The following NRG3 variants were observed in gnomAD, a reference collection of about 807,000 sequenced individuals.
NRG3 encodes pro-neuregulin-3, membrane-bound isoform.
Under a neutral mutation model 66.9 loss-of-function variants are expected in NRG3, and 31 were observed. The observed-to-expected ratio is 0.46, with a 90% confidence interval of 0.35 to 0.63. The LOEUF is 0.63. Among genes scored for constraint, NRG3 ranks in the 20% least tolerant of loss-of-function variants. The pLI, the probability that NRG3 is intolerant of heterozygous loss-of-function variation, is 0.00. For synonymous variants in NRG3, 393 were observed against 359.4 expected (o/e 1.09, Z -1.06); for missense variants, 910 against 878.9 (o/e 1.04, Z -0.45).
At chr10:82,557,984 G>C (rs987038068) in intron 2 of NRG3, among the ~76,000 whole-genome samples, 1 of 152,154 alleles carries the variant, frequency 6.6e-6, no homozygotes, top group African/African-American at 2.4e-5. Flanking sequence ...ATGAAAGAGA[G>C]GTTTGGAACA....
chr10:82,548,435 T>G (rs1217390181), intron 2 of NRG3, among the ~76,000 whole-genome samples: 3 of 150,734 alleles, frequency 2.0e-5, no homozygotes, highest in Non-Finnish European at 2.9e-5. Flanking sequence ...CATTGATACT[T>G]ATTGTCTGAA....
chr10:82,231,490 CCT>C (rs34679230), intron 1 of NRG3, among the ~76,000 whole-genome samples: 15,650 of 149,546 alleles, frequency 0.1, 796 homozygotes, highest in African/African-American at 0.12. Context: ...AAAAAAAAAA[CCT>C]AGTATTATCA....
intron 2 of NRG3, among the ~76,000 whole-genome samples, chr10:82,433,762 T>TA (rs2089965877): frequency 6.6e-6 from 1 of 152,178 alleles, no homozygotes; most frequent in Non-Finnish European, 1.5e-5. Context: ...TGGTTGTAGA[T>TA]GTGTGATGTT....
chr10:82,165,696 CT>C (rs1292123660), intron 1 of NRG3, among the ~76,000 whole-genome samples: 4 of 151,074 alleles, frequency 2.6e-5, no homozygotes, highest in African/African-American at 4.9e-5. Context: ...TTGTGAGTTT[CT>C]TTTTTTTGAG....
At chr10:81,964,911 G>A (rs1419229702) in intron 1 of NRG3, among the ~76,000 whole-genome samples, 1 of 151,994 alleles carries the variant, frequency 6.6e-6, no homozygotes, top group East Asian at 1.9e-4. Context: ...TTTTATTATG[G>A]ATACCATAGA....
At chr10:82,350,379 C>G (rs1355644447) in intron 1 of NRG3, among the ~76,000 whole-genome samples, 1 of 152,136 alleles carries the variant, frequency 6.6e-6, no homozygotes. Flanking sequence ...TATGGTGATA[C>G]AGAGACTGAC....
At chr10:82,281,255 A>T (rs545494314) in intron 1 of NRG3, among the ~76,000 whole-genome samples, 36 of 152,288 alleles carry the variant, frequency 2.4e-4, no homozygotes, top group Non-Finnish European at 5.0e-4. Flanking sequence ...TCTGATGTCC[A>T]GTCATGGGTC....
chr10:82,696,338 A>G (rs759157132), intron 2 of NRG3, among the ~76,000 whole-genome samples: 4 of 152,144 alleles, frequency 2.6e-5, no homozygotes, highest in Non-Finnish European at 4.4e-5. Context: ...ATGTATGTGT[A>G]TATACTTATA....
At chr10:82,584,287 T>C (rs1157168657) in intron 2 of NRG3, among the ~76,000 whole-genome samples, 1 of 152,060 alleles carries the variant, frequency 6.6e-6, no homozygotes, top group Non-Finnish European at 1.5e-5. Flanking sequence ...GGTTTCATCT[T>C]GTTGGCCATG....
At chr10:82,066,406 A>G (rs1340694290) in intron 1 of NRG3, among the ~76,000 whole-genome samples, 2 of 152,202 alleles carry the variant, frequency 1.3e-5, no homozygotes, top group African/African-American at 4.8e-5. Context: ...ATTTGTAGAC[A>G]TGCCTATGGG....
chr10:82,016,856 G>A (rs1256037024), intron 1 of NRG3, among the ~76,000 whole-genome samples: 2 of 152,106 alleles, frequency 1.3e-5, no homozygotes. Flanking sequence ...GACATCCTTA[G>A]AATCAAGCAG....
In NRG3 at chr10:82,985,141, A is replaced by C; in HGVS notation, c.1627A>C (p.Asn543His). 1 of 1,613,954 alleles carries C rather than the reference A, an allele frequency of 6.2e-7. No homozygotes were observed. The part of the protein sequence containing the change: ...GLKTQRNTSI[N>H]MQLPSRETNP... The stretch of plus-strand genomic sequence containing the variant: ...AAAAACCCAACGAAATACATCAATA[A>C]ATATGCAACTGCCTTCAAGAGAGAC... Residue 543 changes from asparagine to histidine, a missense_variant, in exon 9 of 9, where the codon AAT becomes CAT. By Grantham distance (68) the Asn-to-His change is moderately conservative. Transcript: ENST00000372141.
intron 4 of NRG3, among the ~76,000 whole-genome samples, chr10:82,879,119 TC>T (rs1444269318): frequency 6.6e-6 from 1 of 152,238 alleles, no homozygotes. Flanking sequence ...TTTATTAAAA[TC>T]TAACTAATTT....
intron 1 of NRG3, among the ~76,000 whole-genome samples, chr10:82,273,931 T>C (rs921788554): frequency 6.6e-6 from 1 of 152,094 alleles, no homozygotes; most frequent in African/African-American, 2.4e-5. Context: ...TCTTTGCTCA[T>C]TCCTCCCAAG....
chr10:82,088,287 C>A (rs2065839743), intron 1 of NRG3, among the ~76,000 whole-genome samples: 1 of 151,938 alleles, frequency 6.6e-6, no homozygotes, highest in Non-Finnish European at 1.5e-5. Flanking sequence ...ACTGTGATTT[C>A]TCTCACTTTT....
chr10:82,755,394 A>T (rs2059036623), intron 3 of NRG3, among the ~76,000 whole-genome samples: 1 of 152,096 alleles, frequency 6.6e-6, no homozygotes, highest in Non-Finnish European at 1.5e-5. Context: ...CATTTGTTGG[A>T]CACCTAATAC....
At chr10:82,761,930 TTCTTTCTTTC>T (rs2059328574) in intron 3 of NRG3, among the ~76,000 whole-genome samples, 1 of 108,984 alleles carries the variant, frequency 9.2e-6, no homozygotes, top group African/African-American at 3.5e-5. Context: ...TTCTCTTTCT[TTCTTTCTTTC>T]TTTCTTTCTT....
chr10:82,413,907 T>C (rs2088319471), intron 2 of NRG3, among the ~76,000 whole-genome samples: 1 of 152,216 alleles, frequency 6.6e-6, no homozygotes, highest in Non-Finnish European at 1.5e-5. Context: ...GGCTTTCTTG[T>C]GGATAAAGCT....
At chr10:81,946,065 G>A (rs1402428273) in intron 1 of NRG3, among the ~76,000 whole-genome samples, 1 of 152,108 alleles carries the variant, frequency 6.6e-6, no homozygotes, top group Non-Finnish European at 1.5e-5. Flanking sequence ...CGTCCAGGCT[G>A]GAGTGCAATG....
Sources: allele counts gnomAD v4.1 joint callset (sites outside exome capture counted in the v4.1 genomes callset), GRCh38; gene constraint gnomAD v4.1.1; transcripts MANE v1.5; gene names NCBI Gene and HGNC (gene_info 2026-07-23, HGNC 2026-07-21).